Variants in DAB1 observed in about 807,000 individuals in gnomAD.
DAB1 encodes the protein DAB adaptor protein 1, also known as disabled homolog 1.
DAB1 carries 15 observed loss-of-function variants against 64.6 expected under a neutral mutation model. The ratio of observed to expected loss-of-function variants is 0.23; its 90% confidence interval spans 0.16 to 0.36. The LOEUF (loss-of-function observed/expected upper bound fraction) is 0.36, where lower values mean the gene tolerates loss of function less well. Ranked by LOEUF, DAB1 falls within the 10% of genes least tolerant of loss-of-function variation. The probability of loss-of-function intolerance (pLI) is 1.00; values close to 1 mark genes in which losing one functional copy is unlikely to be tolerated. For synonymous variants in DAB1, 235 were observed against 251.9 expected, an observed-to-expected ratio of 0.93 and a Z score of 0.64; for missense variants, 596 against 706.7, an observed-to-expected ratio of 0.84 and a Z score of 1.78.
chr1:57,935,195 A>T (rs1036859413), intron 5 of DAB1, among the ~76,000 whole-genome samples: 1 of 152,184 alleles, frequency 6.6e-6, no homozygotes, highest in Non-Finnish European at 1.5e-5. Context: ...GGTTAGGGGC[A>T]TCTGTTCAGA....
chr1:58,067,007 C>CATGCT (rs2100562162), intron 5 of DAB1, among the ~76,000 whole-genome samples: 1 of 152,294 alleles, frequency 6.6e-6, no homozygotes, highest in South Asian at 2.1e-4. Flanking sequence ...AGCCTTTGCT[C>CATGCT]ATGCTGTTCT....
chr1:57,116,287 C>A (rs1239313), intron 4 of DAB1, among the ~76,000 whole-genome samples: 1 of 151,572 alleles, frequency 6.6e-6, no homozygotes, highest in Non-Finnish European at 1.5e-5. Context: ...CATGGTGAAA[C>A]CCCATCTCTA....
chr1:57,888,545 A>G (rs186791725), upstream of DAB1, among the ~76,000 whole-genome samples: 792 of 152,298 alleles, frequency 5.2e-3, 6 homozygotes, highest in African/African-American at 0.018. Context: ...TTTTTGGCCA[A>G]TTGAAAAAAG....
intron 9 of DAB1, among the ~76,000 whole-genome samples, chr1:57,053,385 C>T (rs1223954420): frequency 1.3e-5 from 2 of 151,836 alleles, no homozygotes; most frequent in East Asian, 3.9e-4. Context: ...GTAGCTAGGA[C>T]TACAGGCATG....
At position 57,715,129 on chromosome 1, in the gene DAB1, C is replaced by T. The variant is rs1001570333; in HGVS notation, n.552-65464G>A. On this transcript the variant is annotated intron_variant and non_coding_transcript_variant, in intron 6 of 20. Transcript: ENST00000485760. ...GGATGCAAAGATGGTTCAACATATG[C>T]TAATCAATGAACATGATAAATCACA... Among the ~76,000 whole-genome samples the T allele has an allele frequency of 8.9e-4, 136 of 152,204 alleles. 1 individual carries two copies. Among genetic ancestry groups the T allele is most frequent in the African/African-American group, 3.2e-3 (133 of 41,528 alleles).
intron 4 of DAB1, among the ~76,000 whole-genome samples, chr1:58,258,146 G>A (rs765415217): frequency 6.6e-6 from 1 of 152,064 alleles, no homozygotes; most frequent in Non-Finnish European, 1.5e-5. Context: ...TTGTTACGGC[G>A]GGTGTCTTCG....
At chr1:58,123,638 G>C (rs866436516) in intron 5 of DAB1, among the ~76,000 whole-genome samples, 4 of 152,102 alleles carry the variant, frequency 2.6e-5, no homozygotes, top group African/African-American at 7.2e-5. Flanking sequence ...TAAGTAAAAA[G>C]GCCTGCTTAG....
chr1:58,373,272 C>A (rs1442613752), intron 3 of DAB1, among the ~76,000 whole-genome samples: 2 of 146,396 alleles, frequency 1.4e-5, no homozygotes, highest in East Asian at 4.0e-4. Context: ...GCTGCACCCA[C>A]TAACTCGTCA....
intron 2 of DAB1, among the ~76,000 whole-genome samples, chr1:57,156,787 C>T (rs1220348107): frequency 1.3e-5 from 2 of 152,146 alleles, no homozygotes; most frequent in Non-Finnish European, 1.5e-5. Context: ...ATCTCCTAAC[C>T]GGGGGAATGG....
chr1:58,127,256 T>C lies in DAB1; in HGVS notation n.387+23255A>G, dbSNP rs564635598. Among the ~76,000 whole-genome samples, 5 of 152,354 alleles carry C rather than the reference T, an allele frequency of 3.3e-5. No individual in the cohort carries two copies. The South Asian group carries it at 8.3e-4, about 25-fold the overall frequency. ...GTGTTTCTTGGCTGCATAAATGTCT[T>C]CTTTTGAGAAGTGTCTGTTCATGTT... On this transcript the variant is annotated intron_variant and non_coding_transcript_variant, in intron 5 of 20. Transcript: ENST00000485760.
intron 7 of DAB1, among the ~76,000 whole-genome samples, chr1:57,636,712 G>A (rs1350186851): frequency 6.6e-6 from 1 of 152,196 alleles, no homozygotes; most frequent in Admixed American, 6.5e-5. Flanking sequence ...TGAGCACCTG[G>A]AATACCAGAG....
At chr1:58,070,180 C>CTTT (rs1171454346) in intron 5 of DAB1, among the ~76,000 whole-genome samples, 1 of 152,160 alleles carries the variant, frequency 6.6e-6, no homozygotes, top group Non-Finnish European at 1.5e-5. Flanking sequence ...TGGCATTCTG[C>CTTT]TTTTGCCTAG....
intron 4 of DAB1, among the ~76,000 whole-genome samples, chr1:58,224,496 A>G (rs1043128620): frequency 3.3e-5 from 5 of 152,216 alleles, no homozygotes; most frequent in African/African-American, 1.2e-4. Flanking sequence ...CTGAGTAGAT[A>G]GTAATATTGT....
At chr1:57,841,899 T>C (rs1391567242) in intron 1 of DAB1, among the ~76,000 whole-genome samples, 1 of 152,340 alleles carries the variant, frequency 6.6e-6, no homozygotes, top group South Asian at 2.1e-4. Context: ...CTTATGTAAA[T>C]TTCTGCAGGC....
intron 12 of DAB1, among the ~76,000 whole-genome samples, chr1:57,011,965 A>C (rs2100300940): frequency 1.3e-5 from 2 of 152,330 alleles, no homozygotes; most frequent in Middle Eastern, 3.4e-3. Flanking sequence ...TGGCAACTTC[A>C]CAGCTGGTAC....
chr1:58,029,855 G>A (rs545405278), intron 5 of DAB1, among the ~76,000 whole-genome samples: 1 of 152,136 alleles, frequency 6.6e-6, no homozygotes, highest in African/African-American at 2.4e-5. Context: ...AATAATATTG[G>A]AAAATAGTCA....
chr1:57,867,701 G>A (rs1306007035), intron 1 of DAB1, among the ~76,000 whole-genome samples: 1 of 152,248 alleles, frequency 6.6e-6, no homozygotes, highest in South Asian at 2.1e-4. Flanking sequence ...AAGACACGGA[G>A]GTTCAGAGAG....
rs75367055 is a variant in DAB1 at position 58,016,876 on chromosome 1, A to G, written n.388-132714T>C. 8.8e-3 allele frequency among the ~76,000 whole-genome samples: 1,336 copies of G among 152,290 alleles called. 7 individuals carry two copies. The highest frequency in any genetic ancestry group is 0.012 in the Non-Finnish European group (839 of 68,030). The stretch of plus-strand genomic sequence containing the variant: ...GGATCCTTGACGTACAATAGATAAC[A>G]CTATTAAAACCATTATTAAAACCTC... On this transcript the variant is annotated intron_variant and non_coding_transcript_variant, in intron 5 of 20. Transcript: ENST00000485760.
chr1:57,533,497 T>C (rs1476282119), intron 7 of DAB1, among the ~76,000 whole-genome samples: 1 of 150,558 alleles, frequency 6.6e-6, no homozygotes, highest in African/African-American at 2.5e-5. Context: ...ACCAGAAATA[T>C]GTGACTAGAA....
Sources: gnomAD v4.1 joint callset for allele counts (sites outside exome capture counted in the v4.1 genomes callset) on GRCh38, gnomAD v4.1.1 for gene constraint, MANE v1.5 for transcripts, NCBI Gene and HGNC (gene_info 2026-07-23, HGNC 2026-07-21) for gene names.